The following NME8 variants were observed in gnomAD, a reference collection of about 807,000 sequenced individuals.
NME8 encodes protein NME8.
Under a neutral mutation model 82.3 loss-of-function variants are expected in NME8, and 72 were observed. The observed-to-expected ratio is 0.87, with a 90% CI of 0.72 to 1.06. NME8 has a LOEUF of 1.06. Among genes scored for constraint, NME8 ranks in the 50% least tolerant of loss-of-function variants. NME8 has a pLI of 0.00. For missense variants in NME8, 712 were observed against 685.4 expected, an observed-to-expected ratio of 1.04 and a Z score of -0.43; for synonymous variants, 267 against 228.5, an observed-to-expected ratio of 1.17 and a Z score of -1.52.
At chr7:37,864,605 T>G (rs557740361) in intron 9 of NME8, among the ~76,000 whole-genome samples, 184 bp downstream of exon 9, 93 of 152,318 alleles carry the variant, frequency 6.1e-4, no homozygotes, top group Non-Finnish European at 1.1e-3. Context: ...TGCATCCTTC[T>G]GTAAATGATC....
chr7:37,863,437 T>A lies in NME8; in HGVS notation c.429T>A (p.Ser143Arg). The A allele has an allele frequency of 6.2e-7, 1 of 1,601,286 alleles. No homozygotes were observed. Among genetic ancestry groups the A allele is most frequent in the Non-Finnish European group, 8.6e-7 (1 of 1,168,360 alleles). The change falls in exon 8 of 18, where the codon AGT becomes AGA. Residue 143 changes from serine (S) to arginine (R), a missense_variant. By Grantham distance (110) the Ser-to-Arg change is moderately radical. Transcript: ENST00000199447. Reference protein sequence around the residue: ...IPLVDSDSEVSEESPCESVQE... With the variant: ...IPLVDSDSEVREESPCESVQE... ...TAGTAGACTCAGATTCAGAAGTTAG[T>A]GAAGAATCACCATGTGAAAGTGTTC... is the stretch of plus-strand genomic sequence containing the variant.
chr7:37,875,137 C>T (rs1784827768), intron 11 of NME8, among the ~76,000 whole-genome samples: 1 of 152,056 alleles, frequency 6.6e-6, no homozygotes, highest in East Asian at 1.9e-4. Context: ...CTGGACTATT[C>T]AACATATCAA....
chr7:37,873,594 AT>A (rs1349770468), intron 11 of NME8, among the ~76,000 whole-genome samples: 4 of 151,684 alleles, frequency 2.6e-5, no homozygotes, highest in African/African-American at 9.7e-5. Flanking sequence ...TTTGTCCATG[AT>A]GTTCTCAAAA....
Position 37,884,366 on chromosome 7 carries a change from T to A in NME8, c.1058T>A (p.Leu353Ter). The change falls in exon 13 of 18, where the codon TTA becomes TAA. Residue 353 changes from leucine to a stop codon, truncating the protein, a stop_gained. Transcript: ENST00000199447. LOFTEE classifies it high-confidence loss of function. ...FKILEQRQVVLSEKEAQALCK... is the reference protein window; with the variant it reads ...FKILEQRQVV The stretch of plus-strand genomic sequence containing the variant: ...ATACTGGAGCAAAGACAAGTAGTAT[T>A]ATCGGAAAAAGAAGCACAAGCACTG... 2 of 1,603,770 alleles carry A rather than the reference T, an allele frequency of 1.2e-6. No individual in the cohort carries two copies. Among genetic ancestry groups the A allele is most frequent in the Non-Finnish European group, 1.7e-6 (2 of 1,170,610 alleles).
intron 15 of NME8, 76 bp downstream of exon 15, chr7:37,888,504 A>T: frequency 7.0e-7 from 1 of 1,425,200 alleles, no homozygotes; most frequent in South Asian, 1.2e-5. Context: ...TTACAATCAG[A>T]AAAGCAAAAC....
intron 12 of NME8, among the ~76,000 whole-genome samples, chr7:37,884,044 C>CTG (rs144445660): frequency 1.3e-4 from 20 of 151,538 alleles, no homozygotes; most frequent in Non-Finnish European, 2.8e-4. Flanking sequence ...AATGAGATAC[C>CTG]TGTGTGTGTG....
chr7:37,850,357 A>G lies in NME8; in HGVS notation c.34-21A>G, dbSNP rs772021065. On this transcript the variant is annotated intron_variant, in intron 3 of 17. Coordinates refer to ENST00000199447, the MANE Select transcript of NME8 (RefSeq NM_016616.5). ...GTGCACTAGTGCTTGAATACCTTTT[A>G]CAGTGCCTTCCACTTTGCAGACAGT... is the stretch of plus-strand genomic sequence containing the variant. 2.4e-5 allele frequency: 39 copies of G among 1,613,986 alleles called. 1 individual carries two copies. In the Admixed American group the frequency reaches 6.3e-4, roughly 26 times the overall value.
In NME8 at chr7:37,862,032, G is replaced by A. The variant is rs139983071; in HGVS notation, c.275G>A (p.Gly92Asp). The change falls in exon 7 of 18, where the codon GGC becomes GAC. Residue 92 changes from glycine to aspartate, a missense_variant. Gly to Asp is a moderately conservative substitution (Grantham distance 94). Coordinates refer to ENST00000199447, the MANE Select transcript of NME8 (RefSeq NM_016616.5). Reference protein sequence around the residue: ...CEPVFLFSVNGKIIEKIQGAN... With the variant: ...CEPVFLFSVNDKIIEKIQGAN... ...CTGTTTTCATTTCCCTTATAGAATGGCAAAATTATCGAAAAGATTCAGGGT... is the reference window on the plus strand; with the variant it reads ...CTGTTTTCATTTCCCTTATAGAATGACAAAATTATCGAAAAGATTCAGGGT... 3.7e-6 allele frequency: 6 copies of A among 1,610,146 alleles called. No individual in the cohort carries two copies. The highest frequency in any genetic ancestry group is 1.6e-4 in the Middle Eastern group (1 of 6,074).
intron 14 of NME8, among the ~76,000 whole-genome samples, chr7:37,887,036 G>C (rs1417068648): frequency 6.6e-6 from 1 of 152,070 alleles, no homozygotes; most frequent in Non-Finnish European, 1.5e-5. Flanking sequence ...TTGTTGGGTT[G>C]ATTGCCCTGG....
chr7:37,869,449 T>G (rs963759685), intron 11 of NME8, among the ~76,000 whole-genome samples: 9 of 152,184 alleles, frequency 5.9e-5, no homozygotes, highest in African/African-American at 2.2e-4. Flanking sequence ...CACTCATTAA[T>G]GTGACGAGTG....
intron 12 of NME8, 90 bp from the exon 13 acceptor site, chr7:37,884,213 T>G: frequency 1.1e-6 from 1 of 916,664 alleles, no homozygotes; most frequent in Non-Finnish European, 1.8e-6. Context: ...ATAAAGTGCA[T>G]TGTATGCCCT....
chr7:37,863,328 TA>T, intron 7 of NME8, 67 bp from the exon 8 acceptor site: 1 of 935,988 alleles, frequency 1.1e-6, no homozygotes, highest in Non-Finnish European at 1.8e-6. Flanking sequence ...ACAAAATTTC[TA>T]AAAACCCACT....
chr7:37,894,499 T>C lies in NME8; in HGVS notation c.1433T>C (p.Phe478Ser). The C allele has an allele frequency of 6.2e-7, 1 of 1,613,224 alleles. No individual in the cohort carries two copies. The highest frequency in any genetic ancestry group is 8.5e-7 in the Non-Finnish European group (1 of 1,179,416). The change falls in exon 16 of 18, where the codon TTT becomes TCT. Residue 478 changes from phenylalanine (F) to serine (S), a missense_variant. By Grantham distance (155) the Phe-to-Ser change is radical (BLOSUM62 -2). Transcript: ENST00000199447. ...QILKIVKEAGFDLTQVKKMFL... is the reference protein window; with the variant it reads ...QILKIVKEAGSDLTQVKKMFL... ...CTGAAGATAGTTAAGGAGGCTGGATTTGATCTGACACAGGTGAAGAAAATG... is the reference window on the plus strand; with the variant it reads ...CTGAAGATAGTTAAGGAGGCTGGATCTGATCTGACACAGGTGAAGAAAATG...
chr7:37,850,335 C>A, intron 3 of NME8, 36 bp downstream of exon 3: 1 of 1,613,882 alleles, frequency 6.2e-7, no homozygotes, highest in Non-Finnish European at 8.5e-7. Flanking sequence ...TTATCTGGTG[C>A]ACTAGTGCTT....
In NME8 at chr7:37,885,118, C is replaced by A. The variant is rs773588158; in HGVS notation, c.1140-27C>A. On this transcript the variant is annotated intron_variant, in intron 13 of 17. Coordinates refer to ENST00000199447, the MANE Select transcript of NME8 (RefSeq NM_016616.5). ...AGCTACTGAGCTACACTTCTTATTA[C>A]CTCTTCTTTGTTTTCTTTTCTAATA... 2.8e-6 allele frequency: 4 copies of A among 1,451,528 alleles called. No individual in the cohort carries two copies. The South Asian group carries it at 4.6e-5, about 17-fold the overall frequency. 89.9% of individuals were successfully genotyped at this position (1,451,528 alleles called of 1,614,324 possible).
At chr7:37,861,379 G>A (rs76359450) in intron 6 of NME8, among the ~76,000 whole-genome samples, 1,752 of 152,036 alleles carry the variant, frequency 0.012, 35 homozygotes, top group East Asian at 0.076. Flanking sequence ...GCTCTTACCC[G>A]TCTTTCATAT....
intron 12 of NME8, among the ~76,000 whole-genome samples, chr7:37,882,603 GAGAGAGAGAGA>G (rs1784974196): frequency 2.8e-5 from 1 of 36,020 alleles, no homozygotes; most frequent in Non-Finnish European, 7.7e-5. Flanking sequence ...AAGAAAGAGA[GAGAGAGAGAGA>G]GAAAGAAAGA....
chr7:37,887,651 A>G (rs1785064482), intron 14 of NME8, among the ~76,000 whole-genome samples: 1 of 152,176 alleles, frequency 6.6e-6, no homozygotes, highest in South Asian at 2.1e-4. Context: ...CAGGGCATCT[A>G]TATCAGTCTG....
At chr7:37,867,357 A>T (rs1301464394) in intron 10 of NME8, among the ~76,000 whole-genome samples, 1 of 151,734 alleles carries the variant, frequency 6.6e-6, no homozygotes, top group African/African-American at 2.4e-5. Flanking sequence ...CGTTTGCCTG[A>T]TGGAGTTCCC....
Sources: allele counts gnomAD v4.1 joint callset (sites outside exome capture counted in the v4.1 genomes callset), GRCh38; gene constraint gnomAD v4.1.1; transcripts MANE v1.5; gene names NCBI Gene and HGNC (gene_info 2026-07-23, HGNC 2026-07-21).